The following TMC1 variants were observed in gnomAD, a reference collection of about 807,000 sequenced individuals.
TMC1 encodes transmembrane channel-like protein 1.
TMC1 carries 84 observed loss-of-function variants against 105.8 expected under a neutral mutation model. That is an observed-to-expected ratio of 0.79 (90% CI 0.67 to 0.95). The LOEUF (loss-of-function observed/expected upper bound fraction) is 0.95. TMC1 is among the 40% of genes least tolerant of loss of function. The pLI, the probability that TMC1 is intolerant of heterozygous loss-of-function variation, is 0.00. For synonymous variants in TMC1, 315 were observed against 311.5 expected, an observed-to-expected ratio of 1.01 and a Z score of -0.12; for missense variants, 817 against 914.1, an observed-to-expected ratio of 0.89 and a Z score of 1.37.
chr9:72,740,054 A>T, intron 8 of TMC1, 65 bp from the exon 9 acceptor site: 3 of 1,242,074 alleles, frequency 2.4e-6, no homozygotes, highest in South Asian at 2.4e-5. Flanking sequence ...AATGTCCACT[A>T]CTTCTGTATT....
intron 3 of TMC1, among the ~76,000 whole-genome samples, chr9:72,624,340 G>C (rs1173256776): frequency 1.3e-5 from 2 of 152,180 alleles, no homozygotes; most frequent in East Asian, 3.9e-4. Flanking sequence ...CTTCTTTGCA[G>C]TCGGGCGGTA....
At chr9:72,549,954 G>A (rs1365246722) in intron 1 of TMC1, among the ~76,000 whole-genome samples, 1 of 151,430 alleles carries the variant, frequency 6.6e-6, no homozygotes, top group African/African-American at 2.4e-5. Flanking sequence ...TACCATGTTG[G>A]CCAGGCTGGT....
rs565467989 is a variant in TMC1, at chr9:72,525,552, G to A, written c.-428+3639G>A. ...ATTCCACCCAGAAAGAAACACAGATGACACTCAGCCAATCAAAGGCCATCT... is the reference window on the plus strand; with the variant it reads ...ATTCCACCCAGAAAGAAACACAGATAACACTCAGCCAATCAAAGGCCATCT... On this transcript the variant is annotated intron_variant, in intron 1 of 23. Coordinates refer to ENST00000297784, the MANE Select transcript of TMC1 (RefSeq NM_138691.3). Among the ~76,000 whole-genome samples, 6 of 152,314 alleles carry A rather than the reference G, an allele frequency of 3.9e-5. No individual in the cohort carries two copies. The South Asian group carries it at 1.2e-3, about 32-fold the overall frequency.
intron 4 of TMC1, among the ~76,000 whole-genome samples, chr9:72,634,550 T>C (rs1253730430): frequency 6.6e-6 from 1 of 152,214 alleles, no homozygotes; most frequent in Non-Finnish European, 1.5e-5. Flanking sequence ...GGGACTGTTA[T>C]CATCTTTGTT....
At chr9:72,586,158 T>A (rs191748493) in intron 2 of TMC1, among the ~76,000 whole-genome samples, 1 of 152,314 alleles carries the variant, frequency 6.6e-6, no homozygotes, top group Non-Finnish European at 1.5e-5. Flanking sequence ...TTAATTTACA[T>A]AGATTAGAGA....
chr9:72,694,612 C>G lies in TMC1; in HGVS notation c.134C>G (p.Thr45Ser), dbSNP rs1826518755. 2 of 1,612,818 alleles carry G rather than the reference C, an allele frequency of 1.2e-6. No individual in the cohort carries two copies. Among genetic ancestry groups the G allele is most frequent in the Non-Finnish European group, 8.5e-7 (1 of 1,179,434 alleles). Residue 45 changes from threonine to serine, a missense_variant, in exon 7 of 24, where the codon ACC becomes AGC. Transcript: ENST00000297784. ...RESLRPKRKR[T>S]RDVINEDDPE... ...AGCTTGAGACCAAAGAGGAAACGGA[C>G]CAGAGATGTTATCAATGAGGATGAC... is the stretch of plus-strand genomic sequence containing the variant.
chr9:72,755,088 GAGAGAGAGAA>G (rs1230218653), intron 12 of TMC1, among the ~76,000 whole-genome samples: 22 of 149,552 alleles, frequency 1.5e-4, no homozygotes, highest in African/African-American at 2.3e-4. Context: ...GAGAGAGAGA[GAGAGAGAGAA>G]AGAAAGAAAG....
At chr9:72,787,581 A>G (rs967817599) in intron 13 of TMC1, among the ~76,000 whole-genome samples, 2 of 152,102 alleles carry the variant, frequency 1.3e-5, no homozygotes, top group Middle Eastern at 3.2e-3. Flanking sequence ...TATAGGATAT[A>G]GATCTCTAAC....
Position 72,730,363 on chromosome 9 carries a change from C to T in TMC1, c.363-9756C>T, listed in dbSNP as rs774361253. Among the ~76,000 whole-genome samples the T allele has an allele frequency of 3.2e-4, 48 of 152,228 alleles. 1 individual carries two copies. Among genetic ancestry groups the T allele is most frequent in the Middle Eastern group, 3.4e-3 (1 of 294 alleles). On this transcript the variant is annotated intron_variant, in intron 8 of 23. Coordinates refer to ENST00000297784, the MANE Select transcript of TMC1 (RefSeq NM_138691.3). ...GAGAGCAGGAGAAGGTCAGAGAGAC[C>T]TTGGCTCTGATGCTGCTACTGAGGC...
chr9:72,579,034 T>C (rs750918989), intron 2 of TMC1, among the ~76,000 whole-genome samples: 1 of 152,248 alleles, frequency 6.6e-6, no homozygotes, highest in Non-Finnish European at 1.5e-5. Context: ...TCCCAGTTTC[T>C]TTTTACCTCT....
rs1827941797 is a variant in TMC1, at chr9:72,772,395, T to TTGTTGGATTTCAACAA, written c.742-17_742-16insGTTGGATTTCAACAAT. On this transcript the variant is annotated splice_polypyrimidine_tract_variant and intron_variant, in intron 12 of 23. Transcript: ENST00000297784. ...CTCTTCACGACAACTGCTAAGTGGC[T>TTGTTGGATTTCAACAA]TTGTTGTTGGATTTCAGGGTTTGGC... 1 of 1,613,750 alleles carries TTGTTGGATTTCAACAA rather than the reference T, an allele frequency of 6.2e-7. No individual in the cohort carries two copies. The highest frequency in any genetic ancestry group is 8.5e-7 in the Non-Finnish European group (1 of 1,179,674).
At chr9:72,601,432 T>A (rs1824814559) in intron 2 of TMC1, among the ~76,000 whole-genome samples, 1 of 151,890 alleles carries the variant, frequency 6.6e-6, no homozygotes, top group Non-Finnish European at 1.5e-5. Context: ...TCATTTGAAG[T>A]CAGGAGTTCA....
intron 23 of TMC1, among the ~76,000 whole-genome samples, chr9:72,831,844 A>G (rs1365256881): frequency 7.2e-5 from 11 of 152,000 alleles, no homozygotes; most frequent in East Asian, 3.9e-4. Flanking sequence ...TCATTGTTGG[A>G]CATTTGGGTT....
At chr9:72,591,497 G>A (rs923855522) in intron 2 of TMC1, among the ~76,000 whole-genome samples, 2 of 152,196 alleles carry the variant, frequency 1.3e-5, no homozygotes, top group Non-Finnish European at 2.9e-5. Context: ...TGATGGAATA[G>A]GTTCATGGCA....
chr9:72,523,253 G>C (rs181027943), intron 1 of TMC1, among the ~76,000 whole-genome samples: 42 of 152,114 alleles, frequency 2.8e-4, no homozygotes, highest in African/African-American at 8.7e-4. Flanking sequence ...AAGGGATAAG[G>C]AAGAAGAGGA....
intron 8 of TMC1, among the ~76,000 whole-genome samples, chr9:72,731,329 A>G (rs773491921): frequency 5.3e-5 from 8 of 152,224 alleles, no homozygotes; most frequent in Non-Finnish European, 1.2e-4. Flanking sequence ...TCAGAGGTTA[A>G]GTCACACTAC....
At chr9:72,539,239 C>A (rs928169666) in intron 1 of TMC1, among the ~76,000 whole-genome samples, 7 of 128,278 alleles carry the variant, frequency 5.5e-5, no homozygotes, top group African/African-American at 1.5e-4. Context: ...AAAAAAAAAA[C>A]AACAACAAAA....
In TMC1 at chr9:72,627,045, T is replaced by G. The variant is rs1316476756; in HGVS notation, c.-195-876T>G. Among the ~76,000 whole-genome samples, 321 of 151,140 alleles carry G rather than the reference T, an allele frequency of 2.1e-3. 5 individuals carry two copies. The East Asian group carries it at 0.04, about 19-fold the overall frequency. On this transcript the variant is annotated intron_variant, in intron 3 of 23. Transcript: ENST00000297784. The stretch of plus-strand genomic sequence containing the variant: ...TATGTTGTTGGTTTTTTTTTTTTTT[T>G]TGGGTCTGTCATTATAGTAATAACT...
intron 4 of TMC1, 53 bp from the exon 5 acceptor site, chr9:72,648,544 A>G: frequency 2.0e-6 from 2 of 994,818 alleles, no homozygotes; most frequent in Admixed American, 3.4e-5. Flanking sequence ...GGCAGGCAGA[A>G]GTGTGTGGAT....
Sources: allele counts gnomAD v4.1 joint callset (sites outside exome capture counted in the v4.1 genomes callset), GRCh38; gene constraint gnomAD v4.1.1; transcripts MANE v1.5; gene names NCBI Gene and HGNC (gene_info 2026-07-23, HGNC 2026-07-21).